Variants in PCSK1 observed in about 807,000 individuals in gnomAD.
PCSK1 encodes proprotein convertase subtilisin/kexin type 1.
PCSK1 carries 56 observed loss-of-function variants against 90.6 expected under a neutral mutation model. The ratio of observed to expected loss-of-function variants is 0.62; its 90% confidence interval spans 0.50 to 0.77. PCSK1 has a LOEUF of 0.77. Among genes scored for constraint, PCSK1 ranks in the 30% least tolerant of loss-of-function variants. PCSK1 has a pLI of 0.00. For missense variants in PCSK1, 801 were observed against 932.6 expected (o/e 0.86, Z 1.84); for synonymous variants, 348 against 342.4 (o/e 1.02, Z -0.18).
chr5:96,411,647 G>A (rs562376581), intron 7 of PCSK1, among the ~76,000 whole-genome samples: 7 of 152,248 alleles, frequency 4.6e-5, no homozygotes, highest in Admixed American at 1.3e-4. Flanking sequence ...GCATTTCCGC[G>A]CTTGGAAGAA....
chr5:96,433,220 A>C lies in PCSK1; in HGVS notation c.-178T>G, dbSNP rs1268516012. The C allele has an allele frequency of 1.5e-6, 1 of 652,382 alleles. No homozygotes were observed. Among genetic ancestry groups the C allele is most frequent in the African/African-American group, 1.8e-5 (1 of 55,512 alleles). 40.4% of individuals were successfully genotyped at this position (652,382 alleles called of 1,614,324 possible). ...AGAGGCTGGGCGGCGGCGAGCGCTC[A>C]GTGAAGCGCTTCGGTCTCCAGGCTG... On this transcript the variant is annotated 5_prime_UTR_variant, in exon 1 of 14. Transcript: ENST00000311106.
At chr5:96,415,972 C>T in intron 6 of PCSK1, 61 bp downstream of exon 6, 1 of 1,036,136 alleles carries the variant, frequency 9.7e-7, no homozygotes, top group Non-Finnish European at 1.5e-6. Flanking sequence ...CCCCCATTTA[C>T]AATGGGTGAT....
At chr5:96,410,753 A>C in intron 8 of PCSK1, 21 bp downstream of exon 8, 1 of 1,593,338 alleles carries the variant, frequency 6.3e-7, no homozygotes, top group Middle Eastern at 1.7e-4. Context: ...AAGCAGAGAG[A>C]ATTAGACAAA....
intron 3 of PCSK1, 118 bp from the exon 4 acceptor site, chr5:96,423,577 A>G: frequency 1.1e-6 from 1 of 880,556 alleles, no homozygotes; most frequent in Non-Finnish European, 1.9e-6. Context: ...TCTACTCTTT[A>G]GAAGAAGCCA....
intron 12 of PCSK1, among the ~76,000 whole-genome samples, chr5:96,396,753 G>T (rs271919): frequency 0.7 from 106,929 of 152,016 alleles, 38,869 homozygotes; most frequent in African/African-American, 0.89. Flanking sequence ...CTCTGTACTT[G>T]CATTTTTGTG....
intron 9 of PCSK1, among the ~76,000 whole-genome samples, chr5:96,405,642 G>C (rs1212545030): frequency 6.6e-6 from 1 of 152,186 alleles, no homozygotes; most frequent in Non-Finnish European, 1.5e-5. Flanking sequence ...CTGCACTCCA[G>C]CCTGGGTGAC....
At chr5:96,424,143 G>A (rs1761211876) in intron 3 of PCSK1, among the ~76,000 whole-genome samples, 1 of 152,194 alleles carries the variant, frequency 6.6e-6, no homozygotes, top group African/African-American at 2.4e-5. Flanking sequence ...AAGCATGTGA[G>A]ACAGAGACAG....
intron 5 of PCSK1, among the ~76,000 whole-genome samples, chr5:96,419,328 A>T (rs13154597): frequency 0.28 from 39,697 of 142,120 alleles, 5,457 homozygotes; most frequent in African/African-American, 0.31. Context: ...TATATATATA[A>T]AACCTCACTT....
intron 7 of PCSK1, among the ~76,000 whole-genome samples, chr5:96,411,652 G>A (rs1367473587): frequency 6.6e-6 from 1 of 152,148 alleles, no homozygotes; most frequent in African/African-American, 2.4e-5. Context: ...TCCGCGCTTG[G>A]AAGAAGACTG....
chr5:96,408,861 C>G (rs770790206), intron 8 of PCSK1, among the ~76,000 whole-genome samples: 56 of 152,142 alleles, frequency 3.7e-4, no homozygotes, highest in Non-Finnish European at 5.4e-4. Context: ...AGATTTGATA[C>G]CTGTGAGTTG....
chr5:96,418,543 A>G (rs544372264), intron 5 of PCSK1, among the ~76,000 whole-genome samples: 9 of 152,336 alleles, frequency 5.9e-5, no homozygotes, highest in African/African-American at 1.7e-4. Context: ...TCAGAGTAGC[A>G]TTCAAATGTA....
chr5:96,421,918 A>C lies in PCSK1; in HGVS notation c.582T>G (p.His194Gln). ...EASYDFNDND[H>Q]DPFPRYDPTN... ...TGGGATCATATCGGGGAAATGGATC[A>C]TGGTCATTATCATTAAAATCATAGC... Residue 194 changes from histidine to glutamine, a missense_variant, in exon 5 of 14, where the codon CAT (histidine) becomes CAG (glutamine). By Grantham distance (24) the His-to-Gln change is conservative. Coordinates refer to ENST00000311106, the MANE Select transcript of PCSK1 (RefSeq NM_000439.5). 3 of 1,587,000 alleles carry C rather than the reference A, an allele frequency of 1.9e-6. No individual in the cohort carries two copies. Among genetic ancestry groups the C allele is most frequent in the Non-Finnish European group, 2.6e-6 (3 of 1,157,502 alleles).
chr5:96,410,375 AG>A, intron 8 of PCSK1, among the ~76,000 whole-genome samples: 1 of 152,198 alleles, frequency 6.6e-6, no homozygotes, highest in East Asian at 1.9e-4. Context: ...GCGACAGGGC[AG>A]GTCAGACTAT....
Position 96,395,652 on chromosome 5 carries a change from G to C in PCSK1, c.1723-627C>G, listed in dbSNP as rs571381298. On this transcript the variant is annotated intron_variant, in intron 12 of 13. Transcript: ENST00000311106. ...CAATGGGCCTGTCAGGGAGTAGGGG[G>C]CAAGGGGAGGGATAGCATTAGGAGA... Among the ~76,000 whole-genome samples, 4 of 152,278 alleles carry C rather than the reference G, an allele frequency of 2.6e-5. No individual in the cohort carries two copies. The East Asian group carries it at 7.7e-4, about 29-fold the overall frequency.
intron 11 of PCSK1, 24 bp from the exon 12 acceptor site, chr5:96,397,493 G>A: frequency 6.2e-7 from 1 of 1,604,774 alleles, no homozygotes; most frequent in Non-Finnish European, 8.5e-7. Flanking sequence ...ACAAGTTAAT[G>A]AATGTCCTAA....
In PCSK1 at chr5:96,429,875, A is replaced by G. The variant is rs115911098; in HGVS notation, c.181-558T>C. ...ACAGTAGGAGGCTAGTGATGCTTCT[A>G]TTTTACACACATTGGAGGAAATACA... On this transcript the variant is annotated intron_variant, in intron 1 of 13. Coordinates refer to ENST00000311106, the MANE Select transcript of PCSK1 (RefSeq NM_000439.5). Among the ~76,000 whole-genome samples, 245 of 152,260 alleles carry G rather than the reference A, an allele frequency of 1.6e-3. 1 individual carries two copies. The highest frequency in any genetic ancestry group is 5.7e-3 in the African/African-American group (235 of 41,554).
At position 96,391,471 on chromosome 5, in the gene PCSK1, A is replaced by G. The variant is rs2882298; in HGVS notation, c.*1530T>C. 46,261 of 152,102 alleles carry G rather than the reference A, an allele frequency of 0.3. 7,246 individuals carry two copies. The highest frequency in any genetic ancestry group is 0.37 in the African/African-American group (15,346 of 41,472). The allele number at this position is 152,102 out of a possible 1,614,324, so 9.4% of individuals were successfully genotyped here. On this transcript the variant is annotated 3_prime_UTR_variant, in exon 14 of 14. Transcript: ENST00000311106. ...CCAGAAGGTTAGTAATAAATGAATT[A>G]GTATTAGTGATCATCCAGGTGAGGT...
intron 6 of PCSK1, among the ~76,000 whole-genome samples, chr5:96,414,614 T>C (rs545019130): frequency 6.6e-6 from 1 of 152,296 alleles, no homozygotes; most frequent in African/African-American, 2.4e-5. Flanking sequence ...AAAACATCAG[T>C]AGGCTTGGAA....
chr5:96,402,649 G>A lies in PCSK1; in HGVS notation c.1197-2463C>T, dbSNP rs183280318. On this transcript the variant is annotated intron_variant, in intron 9 of 13. Transcript: ENST00000311106. ...TCAACCAGTATGCCAGGAACAGGGC[G>A]AGTAAGTGTTTTCTCCGGTTTCAGA... Among the ~76,000 whole-genome samples the A allele has an allele frequency of 7.3e-3, 1,116 of 152,214 alleles. 10 individuals carry two copies. The highest frequency in any genetic ancestry group is 0.026 in the African/African-American group (1,072 of 41,494).
Sources: allele counts gnomAD v4.1 joint callset (sites outside exome capture counted in the v4.1 genomes callset), GRCh38; gene constraint gnomAD v4.1.1; transcripts MANE v1.5; gene names NCBI Gene and HGNC (gene_info 2026-07-23, HGNC 2026-07-21).